The following CGN variants were observed in gnomAD, a reference collection of about 807,000 sequenced individuals.
The protein encoded by CGN is cingulin.
In CGN, 121 loss-of-function variants were observed where a neutral mutation model predicts 157.1. The ratio of observed to expected loss-of-function variants is 0.77; its 90% CI spans 0.66 to 0.90. The LOEUF (loss-of-function observed/expected upper bound fraction) is 0.90, where lower values mean the gene tolerates loss of function less well. Among genes scored for constraint, CGN ranks in the 40% least tolerant of loss-of-function variants. The probability of loss-of-function intolerance (pLI) is 0.00; values close to 1 mark genes in which losing one functional copy is unlikely to be tolerated. For missense variants in CGN, 1,424 were observed against 1,520.9 expected (o/e 0.94, Z 1.06); for synonymous variants, 535 against 607.5 (o/e 0.88, Z 1.76).
Position 151,532,478 on chromosome 1 carries a change from C to A in CGN, c.2648C>A (p.Ala883Asp). Residue 883 changes from alanine to aspartate, a missense_variant, in exon 14 of 21, where the codon GCC becomes GAC. Transcript: ENST00000271636. ...QAQLEDYKEK[A>D]RREVADAQRQ... ...CAGCTGGAGGATTATAAGGAAAAGG[C>A]CCGGCGGGAGGTGGCAGATGCCCAG... The A allele has an allele frequency of 6.2e-7, 1 of 1,609,968 alleles. No homozygotes were observed. The highest frequency in any genetic ancestry group is 1.7e-5 in the Admixed American group (1 of 59,074).
At chr1:151,537,162 T>G in intron 20 of CGN, 43 bp from the exon 21 acceptor site, 1 of 1,581,750 alleles carries the variant, frequency 6.3e-7, no homozygotes. Context: ...TCTTAATATT[T>G]CTATTTTCCC....
intron 9 of CGN, among the ~76,000 whole-genome samples, chr1:151,526,584 C>T (rs1362206508): frequency 6.6e-6 from 1 of 152,126 alleles, no homozygotes; most frequent in African/African-American, 2.4e-5. Context: ...AGCCATCCTC[C>T]CACCTCAGCC....
rs762679619 is a variant in CGN, at chr1:151,518,813, G to A, written c.294G>A (p.Leu98=). 1.2e-6 allele frequency: 2 copies of A among 1,613,896 alleles called. No individual in the cohort carries two copies. Among genetic ancestry groups the A allele is most frequent in the Non-Finnish European group, 1.7e-6 (2 of 1,179,952 alleles). The part of the protein sequence containing the change: ...QGASGALSSD[L]ELPENPYSQV... ...CCTCAGGAGCTCTGAGCTCAGATTT[G>A]GAACTCCCTGAGAACCCCTACTCTC... is the stretch of plus-strand genomic sequence containing the variant. The change falls in exon 2 of 21, where the codon TTG becomes TTA. Residue 98 remains leucine (L), a synonymous_variant. Coordinates refer to ENST00000271636, the MANE Select transcript of CGN (RefSeq NM_020770.3).
In CGN at chr1:151,518,972, C is replaced by T; in HGVS notation, c.453C>T (p.Asn151=). The change falls in exon 2 of 21, where the codon AAC becomes AAT. Residue 151 remains asparagine (N), a synonymous_variant. Transcript: ENST00000271636. ...GCCCTGGCCCAGTGGATCCTAGTAA[C>T]AGAAGCAACAGCATGCTGGAGCTAG... ...LAGPGPVDPS[N]RSNSMLELAP... The T allele has an allele frequency of 6.2e-7, 1 of 1,614,214 alleles. No individual in the cohort carries two copies. The highest frequency in any genetic ancestry group is 8.5e-7 in the Non-Finnish European group (1 of 1,180,028).
At chr1:151,513,899 G>C (rs1442312160) in intron 1 of CGN, among the ~76,000 whole-genome samples, 1 of 152,168 alleles carries the variant, frequency 6.6e-6, no homozygotes, top group Non-Finnish European at 1.5e-5. Context: ...GAGAGCCCTG[G>C]ACATGTGATA....
In CGN at chr1:151,519,115, G is replaced by A. The variant is rs375611149; in HGVS notation, c.596G>A (p.Arg199His). 3.4e-5 allele frequency: 55 copies of A among 1,613,944 alleles called. No individual in the cohort carries two copies. The highest frequency in any genetic ancestry group is 1.3e-4 in the East Asian group (6 of 44,896). Residue 199 changes from arginine to histidine, a missense_variant, in exon 2 of 21, where the codon CGC (arginine) becomes CAC (histidine). Around this residue, in one of 3 missense-constraint regions of CGN, gnomAD observed 1,187 missense variants for 1,217.6 expected, o/e 0.97. Coordinates refer to ENST00000271636, the MANE Select transcript of CGN (RefSeq NM_020770.3). Reference sequence around the variant, plus strand: ...GGCCAGGCCCGGGGTCGGACTGGCCGCCGAACACGGATGCTACCCCCTGAA... The same window carrying A: ...GGCCAGGCCCGGGGTCGGACTGGCCACCGAACACGGATGCTACCCCCTGAA... ...LGGQARGRTG[R>H]RTRMLPPEQR...
chr1:151,536,049 A>G (rs1664961110), intron 18 of CGN, 151 bp downstream of exon 18: 2 of 714,034 alleles, frequency 2.8e-6, no homozygotes, highest in Non-Finnish European at 4.9e-6. Flanking sequence ...ATAGAGAGCA[A>G]AGAGTGTTGC....
At position 151,519,371 on chromosome 1, in the gene CGN, A is replaced by G. The variant is rs1217945961; in HGVS notation, c.852A>G (p.Ala284=). 1.3e-6 allele frequency: 2 copies of G among 1,596,998 alleles called. No individual in the cohort carries two copies. Among genetic ancestry groups the G allele is most frequent in the African/African-American group, 2.7e-5 (2 of 74,832 alleles). The change falls in exon 2 of 21, where the codon GCA becomes GCG. Residue 284 remains alanine, a synonymous_variant. Transcript: ENST00000271636. ...GTTTTGAGGAGCCGCGGAGGAGTGCACAGGACCCCACCATGCTGCAGGTCA... is the reference window on the plus strand; with the variant it reads ...GTTTTGAGGAGCCGCGGAGGAGTGCGCAGGACCCCACCATGCTGCAGGTCA... ...LQSFEEPRRS[A]QDPTMLQFKS...
chr1:151,520,332 C>T, intron 3 of CGN, 66 bp downstream of exon 3: 1 of 1,571,054 alleles, frequency 6.4e-7, no homozygotes. Context: ...CTTTGTTTCC[C>T]ATCTTCCCTG....
In CGN at chr1:151,530,709, G is replaced by A. The variant is rs559028450; in HGVS notation, c.2534G>A (p.Arg845His). ...AAGGCTGAGCTGGAGGAGCAGAAGC[G>A]TTTGCTGGACAGGACTGTGGACCGA... is the stretch of plus-strand genomic sequence containing the variant. ...RGKAELEEQK[R>H]LLDRTVDRLN... is the part of the protein sequence containing the mutation. The change falls in exon 13 of 21, where the codon CGT (arginine) becomes CAT (histidine). Residue 845 changes from arginine (R) to histidine (H), a missense_variant. Arg to His is a conservative substitution (Grantham distance 29). This residue lies in a region of CGN where 1,187 missense variants were observed against 1,217.6 expected (regional missense o/e 0.97). Coordinates refer to ENST00000271636, the MANE Select transcript of CGN (RefSeq NM_020770.3). The A allele has an allele frequency of 3.7e-4, 568 of 1,554,206 alleles. 3 individuals carry two copies. The highest frequency in any genetic ancestry group is 4.3e-4 in the Non-Finnish European group (488 of 1,148,220).
upstream of CGN, chr1:151,510,567 TCC>T (rs1338207715): frequency 2.6e-5 from 4 of 152,046 alleles, no homozygotes; most frequent in African/African-American, 9.7e-5. Flanking sequence ...TACAACTGAG[TCC>T]CTTTCAGTTT....
intron 15 of CGN, chr1:151,534,823 C>A: frequency 1.9e-6 from 1 of 515,576 alleles, no homozygotes; most frequent in Non-Finnish European, 3.4e-6. Flanking sequence ...GTCAAAGGGC[C>A]GTCACCAGAG....
At chr1:151,536,574 C>T (rs1247318769) in intron 19 of CGN, among the ~76,000 whole-genome samples, 156 bp from the exon 20 acceptor site, 1 of 152,180 alleles carries the variant, frequency 6.6e-6, no homozygotes, top group African/African-American at 2.4e-5. Context: ...TGTGTTAATA[C>T]ATTTAATCCC....
chr1:151,520,805 A>G (rs755308193), intron 5 of CGN, 114 bp downstream of exon 5: 1 of 838,362 alleles, frequency 1.2e-6, no homozygotes, highest in Non-Finnish European at 1.9e-6. Flanking sequence ...TTTGTGTCTT[A>G]TGAGACAAGA....
In CGN at chr1:151,530,638, G is replaced by A. The variant is rs146912919; in HGVS notation, c.2463G>A (p.Arg821=). 9.2e-5 allele frequency: 148 copies of A among 1,600,220 alleles called. 1 individual carries two copies. The African/African-American group carries it at 1.8e-3, about 19-fold the overall frequency. ...RLGQEQQTLN[R]ALEEEGKQRE... ...GGCAGGAGCAGCAGACACTGAACCG[G>A]GCCCTGGAGGAGGAAGGGAAGCAGC... The change falls in exon 13 of 21, where the codon CGG becomes CGA. Residue 821 remains arginine (R), a synonymous_variant. Transcript: ENST00000271636.
chr1:151,530,861 C>A (rs1423179210), intron 13 of CGN, 115 bp downstream of exon 13: 5 of 1,120,062 alleles, frequency 4.5e-6, no homozygotes, highest in Non-Finnish European at 5.1e-6. Flanking sequence ...ATGATTATGG[C>A]CAGGTGCGGT....
upstream of CGN, chr1:151,511,037 C>T (rs770372054): frequency 7.9e-5 from 12 of 152,286 alleles, no homozygotes; most frequent in Non-Finnish European, 1.8e-4. The surrounding 1 kb of genome is among the most constrained non-coding windows in gnomAD (Gnocchi z 4.8). Flanking sequence ...GCCGGCGATT[C>T]CCTTGGAGTA....
intron 3 of CGN, 51 bp from the exon 4 acceptor site, chr1:151,520,363 C>T (rs1228908316): frequency 6.3e-7 from 1 of 1,574,810 alleles, no homozygotes; most frequent in Non-Finnish European, 8.7e-7. Flanking sequence ...TTCCTGATCT[C>T]TGCTACCTCT....
In CGN at chr1:151,524,446, T is replaced by C. The variant is rs752821161; in HGVS notation, c.1401+88T>C. ...GCTCATCCATGGTTTCCCCAAAGTA[T>C]GAGGAGTGGGTGGCTGATTACAGGT... On this transcript the variant is annotated intron_variant, in intron 7 of 20. Coordinates refer to ENST00000271636, the MANE Select transcript of CGN (RefSeq NM_020770.3). This position sits in a 1 kb window ranked among gnomAD's most constrained non-coding sequence, Gnocchi z 4.4. 8 of 1,577,020 alleles carry C rather than the reference T, an allele frequency of 5.1e-6. No homozygotes were observed. The highest frequency in any genetic ancestry group is 6.9e-6 in the Non-Finnish European group (8 of 1,159,560).
Sources: gnomAD v4.1 joint callset for allele counts (sites outside exome capture counted in the v4.1 genomes callset) on GRCh38, gnomAD v4.1.1 for gene constraint, gnomAD v4.1.1 regional missense constraint, Gnocchi (gnomAD v3.1) non-coding constraint, MANE v1.5 for transcripts, NCBI Gene and HGNC (gene_info 2026-07-23, HGNC 2026-07-21) for gene names.